The following ITFG1 variants were observed in gnomAD, a reference collection of about 807,000 sequenced individuals.
ITFG1 encodes the protein T-cell immunomodulatory protein.
A neutral mutation model predicts 81.8 loss-of-function variants in ITFG1; 34 were observed. The ratio of observed to expected loss-of-function variants is 0.42; its 90% CI spans 0.32 to 0.55. The LOEUF (loss-of-function observed/expected upper bound fraction) is 0.55. Among genes scored for constraint, ITFG1 ranks in the 20% least tolerant of loss-of-function variants. The pLI is 0.17. For missense variants in ITFG1, 672 were observed against 755.4 expected, an observed-to-expected ratio of 0.89 and a Z score of 1.29; for synonymous variants, 285 against 270.6, an observed-to-expected ratio of 1.05 and a Z score of -0.52.
At chr16:47,460,440 T>A (rs747138167) in intron 1 of ITFG1, among the ~76,000 whole-genome samples, 4 of 152,138 alleles carry the variant, frequency 2.6e-5, no homozygotes, top group Non-Finnish European at 5.9e-5. Context: ...GAAGGAAGAC[T>A]GAAGCAAAAT....
Position 47,439,978 on chromosome 16 carries a change from G to C in ITFG1, c.561-11080C>G, listed in dbSNP as rs186573978. 2.0e-5 allele frequency among the ~76,000 whole-genome samples: 3 copies of C among 152,228 alleles called. No individual in the cohort carries two copies. In the East Asian group the frequency reaches 5.8e-4, roughly 29 times the overall value. ...GAGACACACATAGGCTCAAAATAAA[G>C]GGATGGAGGAAGATCTACAAAGCAA... is the stretch of plus-strand genomic sequence containing the variant. On this transcript the variant is annotated intron_variant, in intron 5 of 17. Coordinates refer to ENST00000320640, the MANE Select transcript of ITFG1 (RefSeq NM_030790.5).
chr16:47,396,682 G>C (rs1037448689), intron 6 of ITFG1, among the ~76,000 whole-genome samples: 2 of 152,128 alleles, frequency 1.3e-5, no homozygotes, highest in African/African-American at 4.8e-5. Flanking sequence ...GGGAAATGGA[G>C]GCTGGATGAG....
intron 13 of ITFG1, among the ~76,000 whole-genome samples, chr16:47,219,861 A>G (rs1965669763): frequency 6.6e-6 from 1 of 152,218 alleles, no homozygotes; most frequent in South Asian, 2.1e-4. Context: ...GGTTGCTATA[A>G]GGATGGAATT....
At chr16:47,182,393 A>T (rs555268740) in intron 14 of ITFG1, among the ~76,000 whole-genome samples, 2 of 152,144 alleles carry the variant, frequency 1.3e-5, no homozygotes, top group East Asian at 3.9e-4. Context: ...TCTCAAAAAA[A>T]AAAAAAGAAA....
At chr16:47,294,994 G>A (rs1175035555) in intron 10 of ITFG1, among the ~76,000 whole-genome samples, 1 of 152,030 alleles carries the variant, frequency 6.6e-6, no homozygotes, top group East Asian at 1.9e-4. Context: ...GTTGATTGTG[G>A]GTTTGTTGTA....
At chr16:47,210,891 C>A (rs1275963133) in intron 14 of ITFG1, among the ~76,000 whole-genome samples, 1 of 152,090 alleles carries the variant, frequency 6.6e-6, no homozygotes, top group Non-Finnish European at 1.5e-5. Flanking sequence ...CGAATTCCAC[C>A]TATTTTATTC....
In ITFG1 at chr16:47,459,978, G is replaced by C. The variant is rs562184741; in HGVS notation, c.209-803C>G. Reference sequence around the variant, plus strand: ...TCTTCCTTCCTTCCTTCACAGCATTGATCTTTAAGCAGCACCTGCTTCTGT... The same window carrying C: ...TCTTCCTTCCTTCCTTCACAGCATTCATCTTTAAGCAGCACCTGCTTCTGT... On this transcript the variant is annotated intron_variant, in intron 1 of 17. Coordinates refer to ENST00000320640, the MANE Select transcript of ITFG1 (RefSeq NM_030790.5). Among the ~76,000 whole-genome samples, 14 of 152,162 alleles carry C rather than the reference G, an allele frequency of 9.2e-5. 1 individual carries two copies. The highest frequency in any genetic ancestry group is 1.9e-4 in the Non-Finnish European group (13 of 68,028).
At chr16:47,172,704 C>A (rs1480180315) in intron 14 of ITFG1, among the ~76,000 whole-genome samples, 2 of 152,182 alleles carry the variant, frequency 1.3e-5, no homozygotes, top group Non-Finnish European at 2.9e-5. Flanking sequence ...ACTCTAGACA[C>A]TAATTTCTAT....
intron 10 of ITFG1, among the ~76,000 whole-genome samples, chr16:47,272,370 T>A (rs763759490): frequency 3.3e-5 from 5 of 152,174 alleles, no homozygotes; most frequent in African/African-American, 1.2e-4. Flanking sequence ...GTCCTAAAAT[T>A]GCTTGTGATG....
chr16:47,220,144 C>T (rs1221879104), intron 13 of ITFG1, among the ~76,000 whole-genome samples: 9 of 152,220 alleles, frequency 5.9e-5, no homozygotes, highest in African/African-American at 2.2e-4. Context: ...GCTCACCTAT[C>T]ATCACAGGCC....
intron 2 of ITFG1, among the ~76,000 whole-genome samples, chr16:47,454,889 T>C (rs1028200427): frequency 2.0e-5 from 3 of 152,196 alleles, no homozygotes; most frequent in African/African-American, 7.2e-5. Flanking sequence ...TTAATTCTAC[T>C]CAGATGAAAT....
rs1966861197 is a variant in ITFG1 at position 47,284,050 on chromosome 16, C to T, written c.1071-23355G>A. Among the ~76,000 whole-genome samples the T allele has an allele frequency of 2.0e-5, 3 of 152,158 alleles. No individual in the cohort carries two copies. The South Asian group carries it at 6.2e-4, about 32-fold the overall frequency. On this transcript the variant is annotated intron_variant, in intron 10 of 17. Coordinates refer to ENST00000320640, the MANE Select transcript of ITFG1 (RefSeq NM_030790.5). Reference sequence around the variant, plus strand: ...AGTCAAATGACTACAATAGGCAAATCTGTAGAGACAGAAAATGGATTTGTG... The same window carrying T: ...AGTCAAATGACTACAATAGGCAAATTTGTAGAGACAGAAAATGGATTTGTG...
intron 8 of ITFG1, among the ~76,000 whole-genome samples, chr16:47,327,944 A>C (rs879091227): frequency 6.6e-6 from 1 of 152,194 alleles, no homozygotes. Context: ...AACTAGAAAT[A>C]CCATTTGACC....
At chr16:47,179,899 A>G (rs1360759438) in intron 14 of ITFG1, among the ~76,000 whole-genome samples, 1 of 152,200 alleles carries the variant, frequency 6.6e-6, no homozygotes, top group African/African-American at 2.4e-5. Flanking sequence ...TCTTTTCCTG[A>G]AAGTTGAGTT....
chr16:47,351,423 A>G (rs1967952984), intron 8 of ITFG1, among the ~76,000 whole-genome samples: 1 of 152,226 alleles, frequency 6.6e-6, no homozygotes, highest in Admixed American at 6.5e-5. Context: ...AAAAACAGAC[A>G]AACAGAGAGT....
At chr16:47,369,063 A>G (rs1335889210) in intron 7 of ITFG1, among the ~76,000 whole-genome samples, 1 of 152,192 alleles carries the variant, frequency 6.6e-6, no homozygotes, top group Non-Finnish European at 1.5e-5. Context: ...CATTCAGATT[A>G]TTTACATATT....
chr16:47,419,543 A>C (rs1968916503), intron 6 of ITFG1, among the ~76,000 whole-genome samples: 1 of 146,306 alleles, frequency 6.8e-6, no homozygotes, highest in Non-Finnish European at 1.5e-5. Flanking sequence ...AACTGCTGGG[A>C]TTATAGGCGT....
intron 8 of ITFG1, among the ~76,000 whole-genome samples, chr16:47,337,802 G>T (rs952576856): frequency 2.0e-5 from 3 of 152,242 alleles, no homozygotes; most frequent in African/African-American, 7.2e-5. Flanking sequence ...GCCAGGGCAA[G>T]ATGTGTGCTC....
chr16:47,458,005 G>C (rs1969475627), intron 2 of ITFG1, among the ~76,000 whole-genome samples: 1 of 152,176 alleles, frequency 6.6e-6, no homozygotes, highest in East Asian at 1.9e-4. Flanking sequence ...ATACTGTAGA[G>C]TCTGAGAACT....
Sources: allele counts gnomAD v4.1 joint callset (sites outside exome capture counted in the v4.1 genomes callset), GRCh38; gene constraint gnomAD v4.1.1; transcripts MANE v1.5; gene names NCBI Gene and HGNC (gene_info 2026-07-23, HGNC 2026-07-21).